Variants in SIM2 observed in about 807,000 individuals in gnomAD.
The protein encoded by SIM2 is SIM bHLH transcription factor 2.
In SIM2, 28 loss-of-function variants were observed where a neutral mutation model predicts 64.8. The observed-to-expected ratio is 0.43, with a 90% CI of 0.32 to 0.59. The LOEUF is 0.59. SIM2 is among the 20% of genes least tolerant of loss of function. The pLI, the probability that SIM2 is intolerant of heterozygous loss-of-function variation, is 0.07. For synonymous variants in SIM2, 408 were observed against 391.1 expected (o/e 1.04, Z -0.51); for missense variants, 847 against 871.4 (o/e 0.97, Z 0.35).
In SIM2 at chr21:36,709,159, C is replaced by T; in HGVS notation, c.176-9C>T. Reference sequence around the variant, plus strand: ...GCAGTTTACCGATTTGCTTTCGTCCCTCGTCCAGGTTTAGGAGACGCGTGG... The same window carrying T: ...GCAGTTTACCGATTTGCTTTCGTCCTTCGTCCAGGTTTAGGAGACGCGTGG... On this transcript the variant is annotated splice_polypyrimidine_tract_variant and intron_variant, in intron 1 of 10. Coordinates refer to ENST00000290399, the MANE Select transcript of SIM2 (RefSeq NM_005069.6). The T allele has an allele frequency of 1.2e-6, 2 of 1,605,558 alleles. No individual in the cohort carries two copies. Among genetic ancestry groups the T allele is most frequent in the South Asian group, 1.1e-5 (1 of 89,470 alleles).
At chr21:36,728,764 G>A (rs775795629) in intron 6 of SIM2, among the ~76,000 whole-genome samples, 4 of 152,234 alleles carry the variant, frequency 2.6e-5, no homozygotes, top group African/African-American at 4.8e-5. Context: ...CAGGGTGGGA[G>A]ATGTCCCTTC....
chr21:36,718,417 T>G (rs2088774644), intron 3 of SIM2, among the ~76,000 whole-genome samples: 1 of 152,198 alleles, frequency 6.6e-6, no homozygotes, highest in Admixed American at 6.5e-5. Context: ...TCTCCTCTGA[T>G]GGAGAGCCAC....
At chr21:36,720,291 G>A (rs1040420172) in intron 4 of SIM2, 4 of 210,556 alleles carry the variant, frequency 1.9e-5, no homozygotes, top group Admixed American at 5.2e-5. Flanking sequence ...CCTAAAACTC[G>A]GGGGTCGGGG....
intron 7 of SIM2, among the ~76,000 whole-genome samples, chr21:36,737,277 A>G (rs2089076877): frequency 6.6e-6 from 1 of 152,200 alleles, no homozygotes; most frequent in South Asian, 2.1e-4. Context: ...CATAAATGGA[A>G]CCACTGTGAC....
intron 3 of SIM2, among the ~76,000 whole-genome samples, chr21:36,718,576 A>G (rs1345819994): frequency 6.6e-6 from 1 of 152,150 alleles, no homozygotes; most frequent in Admixed American, 6.5e-5. Context: ...GACCTACCCA[A>G]GATCCTTCGC....
Position 36,702,279 on chromosome 21 carries a change from AG to A in SIM2, c.175+2363del, listed in dbSNP as rs962000872. 5.9e-5 allele frequency among the ~76,000 whole-genome samples: 9 copies of A among 151,884 alleles called. No homozygotes were observed. The South Asian group carries it at 6.3e-4, about 11-fold the overall frequency. On this transcript the variant is annotated intron_variant, in intron 1 of 10. Coordinates refer to ENST00000290399, the MANE Select transcript of SIM2 (RefSeq NM_005069.6). ...GAGGGGCTTCCTGTGTGTCTTTTGG[AG>A]GGGGTGACCCTGGAAGTTGGCACTC...
chr21:36,743,603 G>T (rs1434679811), intron 9 of SIM2, 48 bp downstream of exon 9: 1 of 1,553,828 alleles, frequency 6.4e-7, no homozygotes, highest in East Asian at 2.2e-5. Flanking sequence ...CTATCCTAGG[G>T]GTTCGGGACA....
intron 5 of SIM2, among the ~76,000 whole-genome samples, chr21:36,724,236 GC>G (rs766062265): frequency 1.3e-5 from 2 of 152,218 alleles, no homozygotes; most frequent in African/African-American, 2.4e-5. Flanking sequence ...GCCTCTTTGG[GC>G]CACGGTGGGG....
chr21:36,701,395 G>A (rs34907269), intron 1 of SIM2: 44,416 of 152,246 alleles, frequency 0.29, 7,216 homozygotes, highest in Admixed American at 0.37. Flanking sequence ...TGCGCTTCTC[G>A]GCCCCTCCCC....
At chr21:36,727,902 G>A (rs1422864737) in intron 6 of SIM2, among the ~76,000 whole-genome samples, 1 of 152,184 alleles carries the variant, frequency 6.6e-6, no homozygotes, top group Non-Finnish European at 1.5e-5. Context: ...ATAAAGACAG[G>A]AGTCAGTTTG....
At chr21:36,725,159 A>C (rs1240930996) in intron 5 of SIM2, among the ~76,000 whole-genome samples, 6 of 152,122 alleles carry the variant, frequency 3.9e-5, no homozygotes, top group Admixed American at 2.6e-4. Flanking sequence ...CAGTCTGGGC[A>C]ACATAATGAG....
intron 1 of SIM2, among the ~76,000 whole-genome samples, chr21:36,705,899 A>G (rs762339831): frequency 6.6e-6 from 1 of 152,106 alleles, no homozygotes; most frequent in East Asian, 1.9e-4. Flanking sequence ...TGGTGTTCCT[A>G]CCACAGTCCA....
intron 8 of SIM2, 137 bp downstream of exon 8, chr21:36,742,001 A>ATT (rs56795144): frequency 8.9e-4 from 706 of 796,154 alleles, no homozygotes; most frequent in African/African-American, 2.7e-3. Flanking sequence ...CTTTTTTTTA[A>ATT]TTTTTTTTTT....
At chr21:36,713,011 A>G (rs2088697601) in intron 3 of SIM2, among the ~76,000 whole-genome samples, 1 of 152,242 alleles carries the variant, frequency 6.6e-6, no homozygotes, top group Admixed American at 6.5e-5. Context: ...CTATAAAGCA[A>G]GAGGTAAGCT....
chr21:36,741,516 C>A (rs1044898730), intron 7 of SIM2, among the ~76,000 whole-genome samples: 7 of 152,200 alleles, frequency 4.6e-5, no homozygotes, highest in African/African-American at 1.4e-4. Context: ...AGGCAAAATT[C>A]CTGTGTGCAC....
intron 10 of SIM2, among the ~76,000 whole-genome samples, chr21:36,746,542 A>C (rs2089229366): frequency 6.6e-6 from 1 of 152,244 alleles, no homozygotes; most frequent in African/African-American, 2.4e-5. Context: ...GAAGAGAGAT[A>C]GATTACGGGA....
intron 3 of SIM2, among the ~76,000 whole-genome samples, chr21:36,717,450 C>CT (rs528248816): frequency 0.29 from 38,689 of 134,732 alleles, 5,794 homozygotes; most frequent in Non-Finnish European, 0.31. Flanking sequence ...TCTTTCTTTT[C>CT]TTTTTTTTTT....
At chr21:36,736,055 C>T (rs1892910) in intron 7 of SIM2, among the ~76,000 whole-genome samples, 6,690 of 152,286 alleles carry the variant, frequency 0.044, 343 homozygotes, top group African/African-American at 0.12. Context: ...GAGCTGGCCC[C>T]GTGGCTGCCC....
At position 36,749,567 on chromosome 21, in the gene SIM2, G is replaced by T. The variant is rs977740267; in HGVS notation, c.*1475G>T. On this transcript the variant is annotated 3_prime_UTR_variant, in exon 11 of 11. Coordinates refer to ENST00000290399, the MANE Select transcript of SIM2 (RefSeq NM_005069.6). ...TCACAATTTGCAAATTTAGGACCGT[G>T]GGTCATGCAGCGAAGGGGCTGGATG... is the stretch of plus-strand genomic sequence containing the variant. 2 of 151,904 alleles carry T rather than the reference G, an allele frequency of 1.3e-5. No individual in the cohort carries two copies. The highest frequency in any genetic ancestry group is 2.1e-4 in the South Asian group (1 of 4,822). 9.4% of individuals were successfully genotyped at this position (151,904 alleles called of 1,614,324 possible).
Sources: gnomAD v4.1 joint callset for allele counts (sites outside exome capture counted in the v4.1 genomes callset) on GRCh38, gnomAD v4.1.1 for gene constraint, MANE v1.5 for transcripts, NCBI Gene and HGNC (gene_info 2026-07-23, HGNC 2026-07-21) for gene names.